ABHD17C: variants seen among roughly 807,000 people sequenced by gnomAD.
ABHD17C encodes the protein abhydrolase domain containing 17C, depalmitoylase, also known as alpha/beta hydrolase domain-containing protein 17C.
ABHD17C carries 11 observed loss-of-function variants against 27.9 expected under a neutral mutation model. The ratio of observed to expected loss-of-function variants is 0.39; its 90% CI spans 0.25 to 0.65. ABHD17C has a LOEUF of 0.65. ABHD17C is among the 30% of genes least tolerant of loss of function. ABHD17C has a pLI of 0.45. For missense variants in ABHD17C, 280 were observed against 470.2 expected (o/e 0.60, Z 3.74); for synonymous variants, 233 against 209.1 (o/e 1.11, Z -0.98).
intron 1 of ABHD17C, among the ~76,000 whole-genome samples, chr15:80,698,473 G>A (rs62007946): frequency 0.2 from 29,692 of 152,200 alleles, 3,197 homozygotes; most frequent in South Asian, 0.32. Context: ...CTGACAGGAG[G>A]ATAGACTGGC....
chr15:80,734,869 A>G (rs1895107983), intron 1 of ABHD17C, among the ~76,000 whole-genome samples: 1 of 152,240 alleles, frequency 6.6e-6, no homozygotes, highest in African/African-American at 2.4e-5. Flanking sequence ...ATGTATTGAA[A>G]TGAGTGAATA....
At chr15:80,716,154 C>T (rs1381740208) in intron 1 of ABHD17C, among the ~76,000 whole-genome samples, 1 of 152,160 alleles carries the variant, frequency 6.6e-6, no homozygotes, top group African/African-American at 2.4e-5. Context: ...ATGCCTAACT[C>T]TAAGAGGTAA....
intron 1 of ABHD17C, among the ~76,000 whole-genome samples, chr15:80,715,124 G>A (rs1213600935): frequency 1.3e-5 from 2 of 152,196 alleles, no homozygotes; most frequent in East Asian, 3.8e-4. Flanking sequence ...TACCCCTAGA[G>A]AGGTTCCCCC....
At chr15:80,700,707 G>A (rs1307551337) in intron 1 of ABHD17C, among the ~76,000 whole-genome samples, 1 of 152,062 alleles carries the variant, frequency 6.6e-6, no homozygotes, top group Non-Finnish European at 1.5e-5. Context: ...AGACCAGCCT[G>A]GGCAACATAG....
intron 1 of ABHD17C, among the ~76,000 whole-genome samples, chr15:80,720,010 G>C (rs892864719): frequency 6.6e-6 from 1 of 152,082 alleles, no homozygotes; most frequent in South Asian, 2.1e-4. Flanking sequence ...ATGTTGGCCC[G>C]GCTAGTCTTG....
chr15:80,737,789 G>T (rs1392502359), intron 1 of ABHD17C, among the ~76,000 whole-genome samples: 1 of 152,114 alleles, frequency 6.6e-6, no homozygotes, highest in Admixed American at 6.5e-5. Context: ...TCCAGGCAGG[G>T]GGTGTTTATG....
At chr15:80,720,130 C>T (rs976362466) in intron 1 of ABHD17C, among the ~76,000 whole-genome samples, 1 of 152,110 alleles carries the variant, frequency 6.6e-6, no homozygotes, top group African/African-American at 2.4e-5. Context: ...AGAAAAGGAT[C>T]GTGGGGTTTC....
chr15:80,699,632 A>G (rs983816954), intron 1 of ABHD17C, among the ~76,000 whole-genome samples: 26 of 152,216 alleles, frequency 1.7e-4, no homozygotes, highest in Non-Finnish European at 5.9e-5. Flanking sequence ...AGATGTAAAT[A>G]CTACCAGTGT....
At position 80,716,039 on chromosome 15, in the gene ABHD17C, CTG is replaced by C. The variant is rs1407325141; in HGVS notation, c.590+20021_590+20022del. Among the ~76,000 whole-genome samples the C allele has an allele frequency of 6.6e-5, 10 of 152,222 alleles. No individual in the cohort carries two copies. The East Asian group carries it at 1.9e-3, about 29-fold the overall frequency. ...AATAATCTGGAGCAACATTTTATTC[CTG>C]ATTATTTAAACAAGGACCAGTTTTT... On this transcript the variant is annotated intron_variant, in intron 1 of 2. Coordinates refer to ENST00000258884, the MANE Select transcript of ABHD17C (RefSeq NM_021214.2).
intron 1 of ABHD17C, among the ~76,000 whole-genome samples, chr15:80,721,816 G>T (rs1002736954): frequency 6.6e-6 from 1 of 152,024 alleles, no homozygotes; most frequent in Non-Finnish European, 1.5e-5. Flanking sequence ...GGCACTGGGG[G>T]CCTCCTTCCT....
At chr15:80,712,356 C>A (rs1894739153) in intron 1 of ABHD17C, among the ~76,000 whole-genome samples, 3 of 152,188 alleles carry the variant, frequency 2.0e-5, no homozygotes, top group Admixed American at 1.3e-4. Context: ...AGGCATCAGT[C>A]AGGTGGCTGG....
rs1327028160 is a variant in ABHD17C, at chr15:80,695,924, C to T, written c.495C>T (p.Ser165=). 1 of 1,597,172 alleles carries T rather than the reference C, an allele frequency of 6.3e-7. No homozygotes were observed. Among genetic ancestry groups the T allele is most frequent in the Non-Finnish European group, 8.5e-7 (1 of 1,179,314 alleles). Residue 165 remains serine (S), a synonymous_variant, in exon 1 of 3, where the codon TCC becomes TCT. Transcript: ENST00000258884. This position sits in a 1 kb window ranked among gnomAD's most constrained non-coding sequence, Gnocchi z 4.3. ...LGSRINCNIF[S]YDYSGYGVSS... ...CCCGCATCAACTGCAACATCTTCTCCTACGACTACTCGGGATACGGCGTCA... is the reference window on the plus strand; with the variant it reads ...CCCGCATCAACTGCAACATCTTCTCTTACGACTACTCGGGATACGGCGTCA...
intron 1 of ABHD17C, among the ~76,000 whole-genome samples, chr15:80,716,228 G>C (rs1894802291): frequency 6.6e-6 from 1 of 152,172 alleles, no homozygotes; most frequent in Admixed American, 6.5e-5. Context: ...GCTTCCTGGA[G>C]ATGTGCGTAC....
At chr15:80,706,507 A>G (rs542870281) in intron 1 of ABHD17C, among the ~76,000 whole-genome samples, 4 of 152,328 alleles carry the variant, frequency 2.6e-5, no homozygotes, top group African/African-American at 4.8e-5. Flanking sequence ...TTCACTTTAC[A>G]TGTTTTAATG....
chr15:80,744,335 G>C (rs1895254120), intron 1 of ABHD17C, among the ~76,000 whole-genome samples: 1 of 152,074 alleles, frequency 6.6e-6, no homozygotes, highest in Admixed American at 6.6e-5. Context: ...CATTGGCATA[G>C]AGGTCACTAG....
chr15:80,735,595 T>G (rs1182348719), intron 1 of ABHD17C, among the ~76,000 whole-genome samples: 1 of 152,110 alleles, frequency 6.6e-6, no homozygotes, highest in Non-Finnish European at 1.5e-5. Flanking sequence ...AAACCCTCGC[T>G]CCAGCCAGGG....
At chr15:80,740,901 A>G (rs1387819744) in intron 1 of ABHD17C, among the ~76,000 whole-genome samples, 5 of 152,152 alleles carry the variant, frequency 3.3e-5, no homozygotes, top group Non-Finnish European at 7.4e-5. Context: ...TACAGAAAAT[A>G]CCTACTTACA....
At chr15:80,726,769 C>G (rs1233165178) in intron 1 of ABHD17C, among the ~76,000 whole-genome samples, 1 of 152,170 alleles carries the variant, frequency 6.6e-6, no homozygotes, top group Admixed American at 6.5e-5. Flanking sequence ...TTGTGATCCG[C>G]CCGCCTCAGC....
chr15:80,736,934 C>G (rs947662000), intron 1 of ABHD17C, among the ~76,000 whole-genome samples: 1 of 152,212 alleles, frequency 6.6e-6, no homozygotes, highest in African/African-American at 2.4e-5. Context: ...TTGGCGCTGT[C>G]AGCCTCCATT....
Sources: allele counts gnomAD v4.1 joint callset (sites outside exome capture counted in the v4.1 genomes callset), GRCh38; gene constraint gnomAD v4.1.1; non-coding constraint Gnocchi (gnomAD v3.1); transcripts MANE v1.5; gene names NCBI Gene and HGNC (gene_info 2026-07-23, HGNC 2026-07-21).